Variants in GEMIN2 observed in about 807,000 individuals in gnomAD.
GEMIN2 encodes the protein gem nuclear organelle associated protein 2.
Under a neutral mutation model 45.8 loss-of-function variants are expected in GEMIN2, and 37 were observed. The observed-to-expected ratio is 0.81, with a 90% confidence interval of 0.62 to 1.06. The LOEUF (loss-of-function observed/expected upper bound fraction) is 1.06, where lower values mean the gene tolerates loss of function less well. Ranked by LOEUF, GEMIN2 falls within the 50% of genes least tolerant of loss-of-function variation. GEMIN2 has a pLI of 0.00. For missense variants in GEMIN2, 335 were observed against 321.8 expected, an observed-to-expected ratio of 1.04 and a Z score of -0.31; for synonymous variants, 101 against 111.5, an observed-to-expected ratio of 0.91 and a Z score of 0.60.
chr14:39,122,596 A>C, intron 5 of GEMIN2, 53 bp downstream of exon 5: 16 of 933,386 alleles, frequency 1.7e-5, no homozygotes, highest in Non-Finnish European at 2.4e-5. Context: ...TTGGTGCACC[A>C]CTTAATATAA....
chr14:39,116,673 C>T (rs1436665987), intron 2 of GEMIN2, among the ~76,000 whole-genome samples: 1 of 152,010 alleles, frequency 6.6e-6, no homozygotes, highest in Non-Finnish European at 1.5e-5. Flanking sequence ...GTAATTTTTC[C>T]TATAATTCCT....
intron 2 of GEMIN2, 110 bp from the exon 3 acceptor site, chr14:39,117,889 T>C (rs977751520): frequency 6.8e-5 from 34 of 496,578 alleles, no homozygotes; most frequent in Non-Finnish European, 1.1e-4. Flanking sequence ...TCTTGTATAA[T>C]CTTTATTTTA....
intron 6 of GEMIN2, among the ~76,000 whole-genome samples, chr14:39,126,266 T>C (rs1222700550): frequency 6.6e-6 from 1 of 151,416 alleles, no homozygotes; most frequent in Non-Finnish European, 1.5e-5. Context: ...TGCAGTCTTG[T>C]ACTTTGGGGC....
rs748979281 is a variant in GEMIN2 at position 39,136,500 on chromosome 14, T to C, written c.*21T>C. On this transcript the variant is annotated 3_prime_UTR_variant, in exon 10 of 10. Coordinates refer to ENST00000308317, the MANE Select transcript of GEMIN2 (RefSeq NM_003616.3). ...CTTGATGTAGCTGATCTCTCAGGGA[T>C]AGAAGATATTTCTCATGAAGGCAGC... 3.1e-6 allele frequency: 5 copies of C among 1,591,736 alleles called. No individual in the cohort carries two copies. The African/African-American group carries it at 5.4e-5, about 17-fold the overall frequency.
chr14:39,119,982 G>A (rs1227202414), intron 4 of GEMIN2, among the ~76,000 whole-genome samples: 3 of 152,196 alleles, frequency 2.0e-5, no homozygotes, highest in Non-Finnish European at 4.4e-5. Context: ...ATGTATGTAT[G>A]TAGTAGGGAC....
chr14:39,114,829 G>T lies in GEMIN2; in HGVS notation c.138G>T (p.Gln46His), dbSNP rs2139328054. The change falls in exon 2 of 10, where the codon CAG (glutamine) becomes CAT (histidine). Residue 46 changes from glutamine (Q) to histidine (H), a missense_variant and splice_region_variant. Physicochemically the swap from Gln to His is conservative, Grantham distance 24. Coordinates refer to ENST00000308317, the MANE Select transcript of GEMIN2 (RefSeq NM_003616.3). ...TATCGCGTTTATTACTTATTTGTAG[G>T]ATCGAAGCAGCTCAATGTCCAGATG... Reference protein sequence around the residue: ...RTPQEYLRRVQIEAAQCPDVV... With the variant: ...RTPQEYLRRVHIEAAQCPDVV... 6.6e-7 allele frequency: 1 copy of T among 1,511,898 alleles called. No individual in the cohort carries two copies. 93.7% of individuals were successfully genotyped at this position (1,511,898 alleles called of 1,614,324 possible).
intron 7 of GEMIN2, among the ~76,000 whole-genome samples, chr14:39,130,844 G>A (rs377452263): frequency 1.1e-3 from 161 of 151,542 alleles, no homozygotes; most frequent in African/African-American, 3.5e-3. Flanking sequence ...GCAGTGAGCC[G>A]AGATGGCACC....
At chr14:39,121,037 A>G (rs2139338033) in intron 4 of GEMIN2, among the ~76,000 whole-genome samples, 1 of 152,332 alleles carries the variant, frequency 6.6e-6, no homozygotes, top group African/African-American at 2.4e-5. Flanking sequence ...GTCTGGCAGC[A>G]TGAGTAGATC....
In GEMIN2 at chr14:39,125,118, A is replaced by G. The variant is rs2052623532; in HGVS notation, c.531+82A>G. The G allele has an allele frequency of 4.1e-6, 3 of 737,330 alleles. 1 individual carries two copies. Among genetic ancestry groups the G allele is most frequent in the Middle Eastern group, 5.7e-4 (2 of 3,512 alleles). The allele number at this position is 737,330 out of a possible 1,614,324, so 45.7% of individuals were successfully genotyped here. On this transcript the variant is annotated intron_variant, in intron 6 of 9. Coordinates refer to ENST00000308317, the MANE Select transcript of GEMIN2 (RefSeq NM_003616.3). ...TTTGAATTGTTAATACATATACTGA[A>G]TTCTTACAGTATGCAAGACTTTGTC...
chr14:39,128,447 A>T, intron 7 of GEMIN2, 99 bp downstream of exon 7: 1 of 585,958 alleles, frequency 1.7e-6, no homozygotes, highest in Non-Finnish European at 3.0e-6. Flanking sequence ...TAGGATTATA[A>T]TACTGTATTT....
chr14:39,122,727 C>G, intron 5 of GEMIN2, 184 bp downstream of exon 5: 1 of 420,500 alleles, frequency 2.4e-6, no homozygotes, highest in Non-Finnish European at 4.2e-6. Context: ...GTGGCTGAGA[C>G]TTTATGTGGC....
At chr14:39,127,932 G>T (rs976449791) in intron 6 of GEMIN2, among the ~76,000 whole-genome samples, 1 of 151,936 alleles carries the variant, frequency 6.6e-6, no homozygotes, top group Non-Finnish European at 1.5e-5. Flanking sequence ...GCCGGACGTG[G>T]TGGTGCACGC....
At chr14:39,116,587 G>T (rs2052510556) in intron 2 of GEMIN2, among the ~76,000 whole-genome samples, 1 of 142,446 alleles carries the variant, frequency 7.0e-6, no homozygotes, top group Non-Finnish European at 1.5e-5. Flanking sequence ...ATTTTAAATA[G>T]TTGATAGTAA....
Position 39,116,116 on chromosome 14 carries a change from A to G in GEMIN2, c.222+1203A>G, listed in dbSNP as rs150673208. On this transcript the variant is annotated intron_variant, in intron 2 of 9. Coordinates refer to ENST00000308317, the MANE Select transcript of GEMIN2 (RefSeq NM_003616.3). ...AGTGGCACAATCTCAGCTCATCACAACCTCTGCCTCTCAGGTTCAAGAGCT... is the reference window on the plus strand; with the variant it reads ...AGTGGCACAATCTCAGCTCATCACAGCCTCTGCCTCTCAGGTTCAAGAGCT... Among the ~76,000 whole-genome samples the G allele has an allele frequency of 2.0e-5, 3 of 151,478 alleles. No homozygotes were observed. The East Asian group carries it at 5.9e-4, about 30-fold the overall frequency.
chr14:39,130,696 C>G (rs1173006939), intron 7 of GEMIN2, among the ~76,000 whole-genome samples: 3 of 151,996 alleles, frequency 2.0e-5, no homozygotes, highest in Non-Finnish European at 4.4e-5. Flanking sequence ...GAGTTCGACA[C>G]CAGCCTGGCC....
At chr14:39,128,487 T>A in intron 7 of GEMIN2, 139 bp downstream of exon 7, 5 of 217,088 alleles carry the variant, frequency 2.3e-5, no homozygotes, top group Non-Finnish European at 3.4e-5. Flanking sequence ...TTTCTTTTCT[T>A]TTTTTTTTTT....
chr14:39,118,423 C>A, intron 3 of GEMIN2, 117 bp from the exon 4 acceptor site: 1 of 652,250 alleles, frequency 1.5e-6, no homozygotes, highest in Non-Finnish European at 2.8e-6. Context: ...TACATCTCAC[C>A]CCCTCCCACC....
intron 6 of GEMIN2, among the ~76,000 whole-genome samples, chr14:39,127,749 T>A (rs2052662480): frequency 1.3e-5 from 2 of 152,040 alleles, no homozygotes; most frequent in African/African-American, 2.4e-5. Flanking sequence ...TAGTTGATAT[T>A]TGAAAGTGTG....
chr14:39,131,319 T>C (rs1168406898), intron 7 of GEMIN2, among the ~76,000 whole-genome samples: 3 of 152,108 alleles, frequency 2.0e-5, no homozygotes, highest in Non-Finnish European at 2.9e-5. Flanking sequence ...AAGTTGTACA[T>C]ACGAATAGGA....
Sources: allele counts gnomAD v4.1 joint callset (sites outside exome capture counted in the v4.1 genomes callset), GRCh38; gene constraint gnomAD v4.1.1; transcripts MANE v1.5; gene names NCBI Gene and HGNC (gene_info 2026-07-23, HGNC 2026-07-21).